The following ADGRL3 variants were observed in gnomAD, a reference collection of about 807,000 sequenced individuals.
ADGRL3 encodes the protein calcium-independent alpha-latrotoxin receptor 3.
Under a neutral mutation model 153.5 loss-of-function variants are expected in ADGRL3, and 62 were observed. That is an observed-to-expected ratio of 0.40 (90% CI 0.33 to 0.50). The LOEUF (loss-of-function observed/expected upper bound fraction) is 0.50, where lower values mean the gene tolerates loss of function less well. Ranked by LOEUF, ADGRL3 falls within the 20% of genes least tolerant of loss-of-function variation. The pLI is 0.47. For synonymous variants in ADGRL3, 710 were observed against 672.5 expected, an observed-to-expected ratio of 1.06 and a Z score of -0.86; for missense variants, 1,641 against 1,859.4, an observed-to-expected ratio of 0.88 and a Z score of 2.16.
intron 4 of ADGRL3, among the ~76,000 whole-genome samples, chr4:61,534,248 T>G (rs1398748092): frequency 6.6e-6 from 1 of 152,132 alleles, no homozygotes; most frequent in East Asian, 1.9e-4. Context: ...CAAAGATTAG[T>G]TGGTTGTCAC....
At chr4:62,037,187 G>T (rs547881463) in intron 23 of ADGRL3, among the ~76,000 whole-genome samples, 1 of 152,132 alleles carries the variant, frequency 6.6e-6, no homozygotes, top group South Asian at 2.1e-4. Flanking sequence ...TAGAAGAAAT[G>T]ATTAGCCCAA....
chr4:62,010,166 T>C (rs958086494), intron 21 of ADGRL3, among the ~76,000 whole-genome samples: 2 of 152,122 alleles, frequency 1.3e-5, no homozygotes, highest in Non-Finnish European at 1.5e-5. Context: ...GGCTGCTCTA[T>C]CTCCAGCCCC....
At chr4:61,515,425 A>C (rs1313179055) in intron 3 of ADGRL3, among the ~76,000 whole-genome samples, 2 of 108,208 alleles carry the variant, frequency 1.8e-5, no homozygotes, top group Non-Finnish European at 3.7e-5. Context: ...TAGATTACTC[A>C]TATTTATATG....
At chr4:62,007,959 C>T (rs971729048) in intron 21 of ADGRL3, among the ~76,000 whole-genome samples, 1 of 152,100 alleles carries the variant, frequency 6.6e-6, no homozygotes, top group African/African-American at 2.4e-5. Context: ...AGGAAGAAAT[C>T]TACAGATCCT....
chr4:61,965,478 G>T (rs1305736541), intron 17 of ADGRL3, among the ~76,000 whole-genome samples: 1 of 152,060 alleles, frequency 6.6e-6, no homozygotes, highest in Non-Finnish European at 1.5e-5. Flanking sequence ...GGCCGGGAAC[G>T]GTGGCTCACG....
chr4:61,558,220 T>C (rs1316466007), intron 4 of ADGRL3, among the ~76,000 whole-genome samples: 1 of 145,804 alleles, frequency 6.9e-6, no homozygotes, highest in Non-Finnish European at 1.5e-5. Flanking sequence ...CTTATCACAG[T>C]ATCCTGAATT....
At chr4:61,239,499 G>T (rs1754117003) in intron 1 of ADGRL3, among the ~76,000 whole-genome samples, 1 of 151,986 alleles carries the variant, frequency 6.6e-6, no homozygotes, top group Non-Finnish European at 1.5e-5. Context: ...TGTTACTATG[G>T]ATGTTACTCT....
intron 5 of ADGRL3, among the ~76,000 whole-genome samples, chr4:61,663,595 C>A (rs1439385401): frequency 3.9e-5 from 6 of 152,110 alleles, no homozygotes. Flanking sequence ...GTGCAGCCTG[C>A]CAGGTCAAGT....
intron 3 of ADGRL3, among the ~76,000 whole-genome samples, chr4:61,509,559 G>A (rs2098451709): frequency 6.6e-6 from 1 of 151,980 alleles, no homozygotes; most frequent in South Asian, 2.1e-4. Context: ...CCATGTTGCT[G>A]GAAAGGACCT....
At chr4:61,554,319 G>C (rs2098755341) in intron 4 of ADGRL3, among the ~76,000 whole-genome samples, 1 of 151,776 alleles carries the variant, frequency 6.6e-6, no homozygotes, top group South Asian at 2.1e-4. Context: ...TCAGCCTCCA[G>C]ATTAGCTGGG....
intron 13 of ADGRL3, among the ~76,000 whole-genome samples, chr4:61,919,917 G>A (rs1221742875): frequency 1.3e-5 from 2 of 152,196 alleles, no homozygotes; most frequent in African/African-American, 2.4e-5. Flanking sequence ...TACATGGTTT[G>A]TGAATGCCTC....
intron 8 of ADGRL3, among the ~76,000 whole-genome samples, chr4:61,776,894 C>A (rs756699317): frequency 6.6e-6 from 1 of 152,126 alleles, no homozygotes; most frequent in Non-Finnish European, 1.5e-5. Context: ...ATTATTAGAT[C>A]ACTTACTAAG....
At chr4:61,340,947 A>C (rs2095796776) in intron 1 of ADGRL3, among the ~76,000 whole-genome samples, 1 of 152,016 alleles carries the variant, frequency 6.6e-6, no homozygotes, top group African/African-American at 2.4e-5. Context: ...AGTCAGCATC[A>C]TAATGAACAT....
rs1553908656 is a variant in ADGRL3, at chr4:62,007,395, C to CGT, written c.3395+9130_3395+9131insGT. ...ATATATATATATATACACACACACA[C>CGT]ATATATATATACACGTATATATATA... On this transcript the variant is annotated intron_variant, in intron 21 of 26. Coordinates refer to ENST00000683033, the MANE Select transcript of ADGRL3 (RefSeq NM_001387552.1). Among the ~76,000 whole-genome samples the CGT allele has an allele frequency of 2.6e-5, 2 of 76,434 alleles. 1 individual carries two copies. Among genetic ancestry groups the CGT allele is most frequent in the Non-Finnish European group, 5.0e-5 (2 of 40,052 alleles). 50.1% of individuals were successfully genotyped at this position (76,434 alleles called of 152,430 possible). A position where few individuals can be genotyped will look rare whatever the true frequency, so the allele number is the denominator to read the frequency against.
intron 9 of ADGRL3, among the ~76,000 whole-genome samples, chr4:61,880,419 T>C (rs747056045): frequency 2.0e-5 from 3 of 152,242 alleles, no homozygotes; most frequent in Non-Finnish European, 4.4e-5. Context: ...AGTTTTGTTA[T>C]AAAATTTAGT....
chr4:61,849,751 C>A (rs1191768680), intron 9 of ADGRL3, among the ~76,000 whole-genome samples: 1 of 152,032 alleles, frequency 6.6e-6, no homozygotes, highest in Non-Finnish European at 1.5e-5. Context: ...TATCTAAATG[C>A]CAGCTGTGAC....
intron 2 of ADGRL3, among the ~76,000 whole-genome samples, chr4:61,436,439 C>T (rs1458463774): frequency 2.0e-5 from 3 of 152,118 alleles, no homozygotes; most frequent in African/African-American, 7.2e-5. Context: ...TTATTCTATT[C>T]TCAAGGAGCT....
At chr4:62,063,369 G>A (rs1364959641) in intron 25 of ADGRL3, 2 of 451,164 alleles carry the variant, frequency 4.4e-6, no homozygotes, top group African/African-American at 4.0e-5. Context: ...TATTTTTTTA[G>A]TCTAGTTAGC....
At chr4:61,267,365 AC>A (rs1286609559) in intron 1 of ADGRL3, among the ~76,000 whole-genome samples, 1 of 151,742 alleles carries the variant, frequency 6.6e-6, no homozygotes, top group Non-Finnish European at 1.5e-5. Context: ...CAGAGAGAAT[AC>A]CTGTAACCCT....
Sources: allele counts gnomAD v4.1 joint callset (sites outside exome capture counted in the v4.1 genomes callset), GRCh38; gene constraint gnomAD v4.1.1; transcripts MANE v1.5; gene names NCBI Gene and HGNC (gene_info 2026-07-23, HGNC 2026-07-21).